Variants in ACOT12 observed in about 807,000 individuals in gnomAD.
The protein encoded by ACOT12 is acetyl-coenzyme A thioesterase.
In ACOT12, 51 loss-of-function variants were observed where a neutral mutation model predicts 67.7. The ratio of observed to expected loss-of-function variants is 0.75; its 90% CI spans 0.60 to 0.95. ACOT12 has a LOEUF of 0.95. ACOT12 is among the 40% of genes least tolerant of loss of function. The pLI is 0.00. For missense variants in ACOT12, 734 were observed against 708.1 expected (o/e 1.04, Z -0.41); for synonymous variants, 251 against 244.6 (o/e 1.03, Z -0.24).
intron 5 of ACOT12, among the ~76,000 whole-genome samples, chr5:81,351,526 G>A (rs770742680): frequency 2.0e-5 from 3 of 152,138 alleles, no homozygotes; most frequent in Non-Finnish European, 4.4e-5. Context: ...TTCAATAAAT[G>A]GTGCTGGGAA....
Position 81,369,781 on chromosome 5 carries a change from A to C in ACOT12, c.258+1969T>G, listed in dbSNP as rs556591483. On this transcript the variant is annotated intron_variant, in intron 3 of 14. Coordinates refer to ENST00000307624, the MANE Select transcript of ACOT12 (RefSeq NM_130767.3). ...GAGAAATGTAAAGGAGGTTTTATCT[A>C]TATTTGGACTGTCTATCAGGAGAAT... Among the ~76,000 whole-genome samples the C allele has an allele frequency of 2.0e-5, 3 of 152,322 alleles. No homozygotes were observed. The East Asian group carries it at 5.8e-4, about 29-fold the overall frequency.
chr5:81,325,066 A>G (rs1328058043), downstream of ACOT12, among the ~76,000 whole-genome samples: 1 of 152,220 alleles, frequency 6.6e-6, no homozygotes, highest in Non-Finnish European at 1.5e-5. Context: ...CAGAGAAAAA[A>G]GAGAACTGAT....
At chr5:81,388,960 T>C (rs1760798979) in intron 1 of ACOT12, among the ~76,000 whole-genome samples, 1 of 152,202 alleles carries the variant, frequency 6.6e-6, no homozygotes, top group African/African-American at 2.4e-5. Context: ...TCCACCATGA[T>C]TGTGAGGCTT....
chr5:81,338,633 G>T (rs974571270), intron 11 of ACOT12, among the ~76,000 whole-genome samples: 1 of 151,858 alleles, frequency 6.6e-6, no homozygotes, highest in East Asian at 1.9e-4. Context: ...GAACTAATAC[G>T]CCAACTCAAA....
chr5:81,352,934 A>C (rs1308333743), intron 5 of ACOT12, among the ~76,000 whole-genome samples: 2 of 152,208 alleles, frequency 1.3e-5, no homozygotes, highest in African/African-American at 2.4e-5. Context: ...GACGGTAGGC[A>C]GACTTACTTT....
chr5:81,370,149 C>G lies in ACOT12; in HGVS notation c.258+1601G>C, dbSNP rs140694423. Among the ~76,000 whole-genome samples, 737 of 152,202 alleles carry G rather than the reference C, an allele frequency of 4.8e-3. 5 individuals are homozygous for G. Among genetic ancestry groups the G allele is most frequent in the Non-Finnish European group, 7.8e-3 (528 of 68,028 alleles). On this transcript the variant is annotated intron_variant, in intron 3 of 14. Transcript: ENST00000307624. ...TACAAAAATTAGTGGTGGCATGCAC[C>G]TGTAATCCCAGCTACTCGGGAGGCT...
rs34623194 is a variant in ACOT12 at position 81,389,955 on chromosome 5, A to ATTTT, written c.127+4029_127+4032dup. Among the ~76,000 whole-genome samples, 617 of 129,526 alleles carry ATTTT rather than the reference A, an allele frequency of 4.8e-3. 12 individuals are homozygous for ATTTT. Among genetic ancestry groups the ATTTT allele is most frequent in the African/African-American group, 0.016 (553 of 35,048 alleles). 85.0% of individuals were successfully genotyped at this position (129,526 alleles called of 152,430 possible). Reference sequence around the variant, plus strand: ...CTCTGACACTTTATTTTATTTATGTATTTTTTTTTTTTTTTTTGAGACAGG... The same window carrying ATTTT: ...CTCTGACACTTTATTTTATTTATGTATTTTTTTTTTTTTTTTTTTTTGAGACAGG... On this transcript the variant is annotated intron_variant, in intron 1 of 14. Transcript: ENST00000307624.
At chr5:81,336,791 CT>C (rs1262186040) in intron 11 of ACOT12, among the ~76,000 whole-genome samples, 2 of 152,038 alleles carry the variant, frequency 1.3e-5, no homozygotes, top group Non-Finnish European at 2.9e-5. Context: ...TAGGACTTCA[CT>C]GCAGGAATCA....
downstream of ACOT12, among the ~76,000 whole-genome samples, chr5:81,325,388 A>C (rs1464372699): frequency 2.0e-5 from 3 of 152,138 alleles, no homozygotes; most frequent in African/African-American, 7.2e-5. Context: ...TTAAAGTGAG[A>C]CCAGTACACA....
chr5:81,389,382 C>T (rs918572742), intron 1 of ACOT12, among the ~76,000 whole-genome samples: 1 of 152,190 alleles, frequency 6.6e-6, no homozygotes, highest in Non-Finnish European at 1.5e-5. Flanking sequence ...GCCTTCTGGT[C>T]TCCACTGTTT....
At chr5:81,379,509 C>T (rs900057192) in intron 2 of ACOT12, among the ~76,000 whole-genome samples, 8 of 151,872 alleles carry the variant, frequency 5.3e-5, no homozygotes, top group Non-Finnish European at 8.8e-5. Flanking sequence ...CCATGCTAAA[C>T]GCTTTGTATC....
chr5:81,345,599 A>C (rs571605257), intron 7 of ACOT12, among the ~76,000 whole-genome samples: 2 of 152,234 alleles, frequency 1.3e-5, no homozygotes, highest in African/African-American at 4.8e-5. Context: ...CTGAAAGGAA[A>C]AGTTAATAAT....
chr5:81,319,653 G>T, the ACOT12 span, among the ~76,000 whole-genome samples: 1 of 151,728 alleles, frequency 6.6e-6, no homozygotes, highest in South Asian at 2.1e-4. Context: ...GGAGGTGGAG[G>T]TTGCAGTGAG....
At chr5:81,373,328 C>T (rs996320928) in intron 2 of ACOT12, among the ~76,000 whole-genome samples, 17 of 152,324 alleles carry the variant, frequency 1.1e-4, no homozygotes, top group African/African-American at 4.1e-4. Context: ...GAATGGTGCA[C>T]TCTGGCCCAG....
Position 81,330,311 on chromosome 5 carries a change from C to T in ACOT12, c.*83G>A. 1 of 1,449,468 alleles carries T rather than the reference C, an allele frequency of 6.9e-7. No homozygotes were observed. Among genetic ancestry groups the T allele is most frequent in the South Asian group, 1.5e-5 (1 of 64,660 alleles). 89.8% of individuals were successfully genotyped at this position (1,449,468 alleles called of 1,614,324 possible). A position where few individuals can be genotyped will look rare whatever the true frequency, so the allele number is the denominator to read the frequency against. ...GGGTTATATTAAATTATTTTGTGGC[C>T]CCAAAGCTTGACAGATGTCAGGGCT... On this transcript the variant is annotated 3_prime_UTR_variant, in exon 15 of 15. Transcript: ENST00000307624.
chr5:81,390,774 T>C (rs1723120469), intron 1 of ACOT12, among the ~76,000 whole-genome samples: 1 of 152,146 alleles, frequency 6.6e-6, no homozygotes, highest in South Asian at 2.1e-4. Context: ...AGTGCTGGGA[T>C]TACAGCAATC....
At chr5:81,381,033 G>A (rs1053300975) in intron 2 of ACOT12, among the ~76,000 whole-genome samples, 1 of 151,788 alleles carries the variant, frequency 6.6e-6, no homozygotes, top group African/African-American at 2.4e-5. Context: ...ATAGCTAAAT[G>A]TAGAAAAGAT....
chr5:81,388,268 C>A (rs925662503), intron 1 of ACOT12, among the ~76,000 whole-genome samples: 1 of 152,050 alleles, frequency 6.6e-6, no homozygotes, highest in African/African-American at 2.4e-5. Flanking sequence ...TGATTTATAC[C>A]ATTGATTTTC....
At chr5:81,368,297 A>G (rs894694199) in intron 3 of ACOT12, among the ~76,000 whole-genome samples, 7 of 152,012 alleles carry the variant, frequency 4.6e-5, no homozygotes, top group Non-Finnish European at 7.4e-5. Context: ...ATCTCAAAAA[A>G]TAATAATAAT....
Sources: gnomAD v4.1 joint callset for allele counts (sites outside exome capture counted in the v4.1 genomes callset) on GRCh38, gnomAD v4.1.1 for gene constraint, MANE v1.5 for transcripts, NCBI Gene and HGNC (gene_info 2026-07-23, HGNC 2026-07-21) for gene names.